The following PLXNA2 variants were observed in gnomAD, a reference collection of about 807,000 sequenced individuals.
The protein encoded by PLXNA2 is plexin-A2.
A neutral mutation model predicts 193.5 loss-of-function variants in PLXNA2; 91 were observed. That is an observed-to-expected ratio of 0.47 (90% CI 0.40 to 0.56). The LOEUF (loss-of-function observed/expected upper bound fraction) is 0.56. PLXNA2 is among the 20% of genes least tolerant of loss of function. PLXNA2 has a pLI of 0.00. For synonymous variants in PLXNA2, 997 were observed against 1,027.3 expected, an observed-to-expected ratio of 0.97 and a Z score of 0.56; for missense variants, 1,995 against 2,503.2, an observed-to-expected ratio of 0.80 and a Z score of 4.33.
chr1:208,228,810 G>A (rs1201308536), intron 1 of PLXNA2, among the ~76,000 whole-genome samples: 1 of 152,012 alleles, frequency 6.6e-6, no homozygotes, highest in Non-Finnish European at 1.5e-5. Context: ...TCCCTTCTTT[G>A]CCTATCCATA....
chr1:208,239,697 C>T (rs1230334604), intron 1 of PLXNA2, among the ~76,000 whole-genome samples: 6 of 152,206 alleles, frequency 3.9e-5, no homozygotes, highest in Non-Finnish European at 5.9e-5. Context: ...GCTCCTGCTC[C>T]GAATCCTGTG....
chr1:208,197,450 C>T (rs1292139416), intron 3 of PLXNA2, among the ~76,000 whole-genome samples: 1 of 152,220 alleles, frequency 6.6e-6, no homozygotes, highest in Non-Finnish European at 1.5e-5. Flanking sequence ...AAATATGCTG[C>T]AAATTTACCT....
At chr1:208,168,824 T>C (rs1407137851) in intron 3 of PLXNA2, among the ~76,000 whole-genome samples, 1 of 143,494 alleles carries the variant, frequency 7.0e-6, no homozygotes, top group Non-Finnish European at 1.5e-5. Flanking sequence ...GGCCAGGTCA[T>C]GCTATCCCAG....
intron 3 of PLXNA2, among the ~76,000 whole-genome samples, chr1:208,147,411 C>T (rs771672091): frequency 1.4e-5 from 2 of 145,744 alleles, no homozygotes; most frequent in Non-Finnish European, 3.0e-5. Context: ...ACTGTAATCT[C>T]CTTCTCAGGA....
chr1:208,204,944 G>A (rs569374652), intron 3 of PLXNA2, among the ~76,000 whole-genome samples: 5 of 152,276 alleles, frequency 3.3e-5, no homozygotes, highest in Admixed American at 2.6e-4. Context: ...GCTGTTTAAG[G>A]TCCCTGGGAC....
chr1:208,106,457 G>A (rs1158072923), intron 4 of PLXNA2, among the ~76,000 whole-genome samples: 1 of 152,232 alleles, frequency 6.6e-6, no homozygotes, highest in African/African-American at 2.4e-5. Context: ...TCTAAGACAA[G>A]TATTCAAAGA....
Position 208,217,133 on chromosome 1 carries a change from C to T in PLXNA2, c.790G>A (p.Glu264Lys), listed in dbSNP as rs1671159852. The T allele has an allele frequency of 3.1e-6, 5 of 1,614,212 alleles. No homozygotes were observed. Among genetic ancestry groups the T allele is most frequent in the Non-Finnish European group, 4.2e-6 (5 of 1,180,040 alleles). The change falls in exon 2 of 32, where the codon GAG becomes AAG. Residue 264 changes from glutamate (E) to lysine (K), a missense_variant. Physicochemically the swap from Glu to Lys is moderately conservative, Grantham distance 56. This residue lies in a region of PLXNA2 where 702 missense variants were observed against 812.9 expected (regional missense o/e 0.86). Coordinates refer to ENST00000367033, the MANE Select transcript of PLXNA2 (RefSeq NM_025179.4). This position sits in a 1 kb window ranked among gnomAD's most constrained non-coding sequence, Gnocchi z 4.7. ...YFLTVQPETP[E>K]GVAINSAGDL... ...CCAGCGGAGTTGATGGCCACACCCTCAGGGGTCTCGGGCTGGACAGTGAGA... is the reference window on the plus strand; with the variant it reads ...CCAGCGGAGTTGATGGCCACACCCTTAGGGGTCTCGGGCTGGACAGTGAGA...
chr1:208,063,929 G>A (rs11586515), intron 12 of PLXNA2, among the ~76,000 whole-genome samples: 36,101 of 151,870 alleles, frequency 0.24, 5,569 homozygotes, highest in Non-Finnish European at 0.35. Context: ...ATTGCTACTG[G>A]GCATCTCCAC....
chr1:208,089,198 G>T (rs1666631519), intron 9 of PLXNA2, among the ~76,000 whole-genome samples: 2 of 152,140 alleles, frequency 1.3e-5, no homozygotes, highest in South Asian at 4.1e-4. Flanking sequence ...TCTGGAAATG[G>T]CACCACTGAC....
At chr1:208,155,865 G>A (rs910266832) in intron 3 of PLXNA2, among the ~76,000 whole-genome samples, 1 of 152,206 alleles carries the variant, frequency 6.6e-6, no homozygotes, top group African/African-American at 2.4e-5. Flanking sequence ...CTATAGCCTG[G>A]AGGCTGCCTG....
At chr1:208,056,940 C>T (rs866950227) in intron 13 of PLXNA2, among the ~76,000 whole-genome samples, 4 of 152,180 alleles carry the variant, frequency 2.6e-5, no homozygotes, top group Admixed American at 1.3e-4. Flanking sequence ...AACTCTTCTT[C>T]CCTTTCATTC....
At chr1:208,118,301 C>A (rs1183713632) in intron 4 of PLXNA2, among the ~76,000 whole-genome samples, 1 of 152,192 alleles carries the variant, frequency 6.6e-6, no homozygotes, top group Non-Finnish European at 1.5e-5. Flanking sequence ...TGGTGTCCTT[C>A]CAGGGAGTGA....
chr1:208,204,727 T>G (rs1049092203), intron 3 of PLXNA2, among the ~76,000 whole-genome samples: 1 of 152,160 alleles, frequency 6.6e-6, no homozygotes, highest in African/African-American at 2.4e-5. Context: ...GCGTGATGAA[T>G]GTGAAAAGGA....
intron 20 of PLXNA2, among the ~76,000 whole-genome samples, chr1:208,043,689 A>G (rs1009218270): frequency 1.3e-5 from 2 of 152,162 alleles, no homozygotes; most frequent in African/African-American, 4.8e-5. Flanking sequence ...CAGAAGCCTC[A>G]CCTTGGTGGT....
chr1:208,202,903 T>C (rs1469274987), intron 3 of PLXNA2, among the ~76,000 whole-genome samples: 1 of 152,176 alleles, frequency 6.6e-6, no homozygotes. Context: ...TGTCCAAGAT[T>C]GAAGTATATT....
intron 3 of PLXNA2, among the ~76,000 whole-genome samples, chr1:208,168,961 C>T (rs1334808567): frequency 1.3e-5 from 2 of 151,968 alleles, no homozygotes; most frequent in African/African-American, 2.4e-5. Context: ...ACTCCACCCC[C>T]ATATTCATTT....
intron 3 of PLXNA2, among the ~76,000 whole-genome samples, chr1:208,182,156 CG>C (rs1558232577): frequency 1.3e-5 from 2 of 152,238 alleles, no homozygotes; most frequent in East Asian, 3.9e-4. Context: ...AATCAAAGGC[CG>C]GGTGCAGTGG....
intron 7 of PLXNA2, 63 bp downstream of exon 7, chr1:208,096,667 C>A: frequency 6.4e-7 from 1 of 1,571,994 alleles, no homozygotes; most frequent in Non-Finnish European, 8.7e-7. Context: ...GTTCTTGTGA[C>A]CCCCAGCTCC....
At chr1:208,078,838 C>T (rs1666238822) in intron 12 of PLXNA2, among the ~76,000 whole-genome samples, 1 of 152,202 alleles carries the variant, frequency 6.6e-6, no homozygotes, top group Non-Finnish European at 1.5e-5. Flanking sequence ...TTACTCTCTT[C>T]TTCCATTTTC....
Sources: gnomAD v4.1 joint callset for allele counts (sites outside exome capture counted in the v4.1 genomes callset) on GRCh38, gnomAD v4.1.1 for gene constraint, gnomAD v4.1.1 regional missense constraint, Gnocchi (gnomAD v3.1) non-coding constraint, MANE v1.5 for transcripts, NCBI Gene and HGNC (gene_info 2026-07-23, HGNC 2026-07-21) for gene names.